The following GRK7 variants were observed in gnomAD, a reference collection of about 807,000 sequenced individuals.
The protein encoded by GRK7 is rhodopsin kinase GRK7.
GRK7 carries 24 observed loss-of-function variants against 34.1 expected under a neutral mutation model. That is an observed-to-expected ratio of 0.70 (90% confidence interval 0.51 to 0.99). GRK7 has a LOEUF of 0.99. GRK7 is among the 50% of genes least tolerant of loss of function. GRK7 has a pLI of 0.00. For synonymous variants in GRK7, 256 were observed against 279.4 expected (o/e 0.92, Z 0.84); for missense variants, 644 against 707.3 (o/e 0.91, Z 1.02).
intron 4 of GRK7, among the ~76,000 whole-genome samples, chr3:141,787,142 T>C (rs552022290): frequency 4.4e-4 from 67 of 152,286 alleles, no homozygotes; most frequent in African/African-American, 1.5e-3. Context: ...TTTATTAGCC[T>C]TGTGAGTCCA....
At chr3:141,767,192 T>C (rs1559837675) in intron 1 of GRK7, among the ~76,000 whole-genome samples, 1 of 152,176 alleles carries the variant, frequency 6.6e-6, no homozygotes, top group Admixed American at 6.5e-5. Flanking sequence ...CTATCTTAAG[T>C]AGCCTCAAAA....
chr3:141,804,571 A>G (rs1711003472), intron 4 of GRK7, among the ~76,000 whole-genome samples: 1 of 144,356 alleles, frequency 6.9e-6, no homozygotes, highest in African/African-American at 2.9e-5. Flanking sequence ...ACACACACAT[A>G]CACATACACA....
At position 141,816,845 on chromosome 3, in the gene GRK7, T is replaced by C. The variant is rs1443661128; in HGVS notation, c.1457T>C (p.Ile486Thr). 4 of 1,614,024 alleles carry C rather than the reference T, an allele frequency of 2.5e-6. No individual in the cohort carries two copies. Among genetic ancestry groups the C allele is most frequent in the Non-Finnish European group, 3.4e-6 (4 of 1,179,960 alleles). The change falls in exon 6 of 6, where the codon ATT becomes ACT. Residue 486 changes from isoleucine to threonine, a missense_variant. Transcript: ENST00000682958. ...SVVYAKDIAEIDDFSEVRGVE... is the reference protein window; with the variant it reads ...SVVYAKDIAETDDFSEVRGVE... ...GTTTATGCCAAAGACATCGCTGAAA[T>C]TGATGATTTCTCTGAGGTTCGGGGG... is the stretch of plus-strand genomic sequence containing the variant.
Position 141,817,290 on chromosome 3 carries a change from A to G in GRK7, c.*240A>G. Reference sequence around the variant, plus strand: ...GCAGGGAAAAGGAACACTCAGGTTTATTTTGATAAACTGAAAGCATCAGCC... The same window carrying G: ...GCAGGGAAAAGGAACACTCAGGTTTGTTTTGATAAACTGAAAGCATCAGCC... On this transcript the variant is annotated 3_prime_UTR_variant, in exon 6 of 6. Transcript: ENST00000682958. 2.4e-6 allele frequency: 1 copy of G among 414,474 alleles called. No individual in the cohort carries two copies. Among genetic ancestry groups the G allele is most frequent in the South Asian group, 6.4e-5 (1 of 15,642 alleles). 25.7% of individuals were successfully genotyped at this position (414,474 alleles called of 1,614,324 possible). A position where few individuals can be genotyped will look rare whatever the true frequency, so the allele number is the denominator to read the frequency against.
intron 4 of GRK7, among the ~76,000 whole-genome samples, chr3:141,798,870 A>T (rs1335475705): frequency 6.6e-6 from 1 of 152,162 alleles, no homozygotes; most frequent in African/African-American, 2.4e-5. Flanking sequence ...CATGGCTGAC[A>T]TTTTCTGTCT....
the GRK7 span, among the ~76,000 whole-genome samples, chr3:141,753,443 T>G: frequency 6.6e-6 from 1 of 152,238 alleles, no homozygotes; most frequent in African/African-American, 2.4e-5. Flanking sequence ...AAGATGGTTT[T>G]GGGATGAAAC....
chr3:141,775,936 G>A (rs2084636694), intron 2 of GRK7, among the ~76,000 whole-genome samples: 2 of 152,088 alleles, frequency 1.3e-5, no homozygotes, highest in South Asian at 2.1e-4. Context: ...GCAGTTCATA[G>A]CATACGTGTT....
At chr3:141,805,465 C>T (rs1339689181) in intron 4 of GRK7, among the ~76,000 whole-genome samples, 1 of 152,208 alleles carries the variant, frequency 6.6e-6, no homozygotes, top group Non-Finnish European at 1.5e-5. Context: ...ACCCTTTTGT[C>T]TGGACAAATG....
At position 141,792,870 on chromosome 3, in the gene GRK7, C is replaced by G. The variant is rs75747813; in HGVS notation, c.1050+12059C>G. Among the ~76,000 whole-genome samples, 1,508 of 152,262 alleles carry G rather than the reference C, an allele frequency of 9.9e-3. 28 individuals carry two copies. Among genetic ancestry groups the G allele is most frequent in the African/African-American group, 0.032 (1,345 of 41,550 alleles). ...AGGGTTAGGACTTTCAGCCTATCCC[C>G]CAATGGCCAATGATTTTATCAATCA... On this transcript the variant is annotated intron_variant, in intron 4 of 5. Coordinates refer to ENST00000682958, the MANE Select transcript of GRK7 (RefSeq NM_139209.3).
At chr3:141,795,351 A>C (rs1273039473) in intron 4 of GRK7, among the ~76,000 whole-genome samples, 1 of 152,176 alleles carries the variant, frequency 6.6e-6, no homozygotes, top group African/African-American at 2.4e-5. Context: ...CTTACAATGA[A>C]TAGCACAGCC....
chr3:141,814,955 C>G (rs989994312), intron 5 of GRK7, among the ~76,000 whole-genome samples: 1 of 133,418 alleles, frequency 7.5e-6, no homozygotes, highest in Non-Finnish European at 1.6e-5. Context: ...GACGGAGTCT[C>G]TCTCTGTCAC....
the GRK7 span, among the ~76,000 whole-genome samples, chr3:141,756,326 A>AGG: frequency 0.12 from 15,168 of 131,612 alleles, 1,027 homozygotes; most frequent in Non-Finnish European, 0.14. Context: ...AGAAAAAAAA[A>AGG]GGTGGGGGGG....
At chr3:141,808,487 G>C (rs934061067) in intron 5 of GRK7, among the ~76,000 whole-genome samples, 11 of 152,316 alleles carry the variant, frequency 7.2e-5, no homozygotes, top group Admixed American at 3.9e-4. Context: ...GGCCGAGTCA[G>C]GTGGATCACG....
chr3:141,814,649 C>T (rs566950909), intron 5 of GRK7, among the ~76,000 whole-genome samples: 57 of 152,162 alleles, frequency 3.7e-4, no homozygotes, highest in Non-Finnish European at 7.1e-4. Flanking sequence ...TAGTTGATTC[C>T]GTGTCTTTGC....
Position 141,817,550 on chromosome 3 carries a change from A to G in GRK7, c.*500A>G, listed in dbSNP as rs1235951372. On this transcript the variant is annotated 3_prime_UTR_variant, in exon 6 of 6. Coordinates refer to ENST00000682958, the MANE Select transcript of GRK7 (RefSeq NM_139209.3). ...CCCCTAAAAAGGAGTGGATTACAAT[A>G]TTTTGGCAATGTTTTAAATCACAGA... 6.6e-6 allele frequency: 1 copy of G among 152,422 alleles called. No homozygotes were observed. The highest frequency in any genetic ancestry group is 1.5e-5 in the Non-Finnish European group (1 of 68,162). 9.4% of individuals were successfully genotyped at this position (152,422 alleles called of 1,614,324 possible). A position where few individuals can be genotyped will look rare whatever the true frequency, so the allele number is the denominator to read the frequency against.
In GRK7 at chr3:141,780,454, T is replaced by C. The variant is rs1324164416; in HGVS notation, c.693T>C (p.Gly231=). The C allele has an allele frequency of 4.3e-6, 7 of 1,614,198 alleles. No individual in the cohort carries two copies. The South Asian group carries it at 6.6e-5, about 15-fold the overall frequency. The change falls in exon 4 of 6, where the codon GGT becomes GGC. Residue 231 remains glycine, a synonymous_variant. Transcript: ENST00000682958. ...KLDKKRLKKK[G]GEKMALLEKE... is the part of the protein sequence containing the mutation. ...ACAAGAAGCGGCTGAAGAAGAAAGG[T>C]GGCGAGAAGATGGCTCTCTTGGAAA...
chr3:141,780,242 A>G (rs2084665065), intron 3 of GRK7, 132 bp from the exon 4 acceptor site: 2 of 740,474 alleles, frequency 2.7e-6, no homozygotes, highest in Admixed American at 2.9e-5. Flanking sequence ...TTTCTTGAGA[A>G]CACTTCTTAT....
chr3:141,804,129 A>T (rs1710999527), intron 4 of GRK7, among the ~76,000 whole-genome samples: 1 of 152,122 alleles, frequency 6.6e-6, no homozygotes, highest in Admixed American at 6.5e-5. Context: ...AATCAATCTT[A>T]CATCTTTTAT....
intron 4 of GRK7, among the ~76,000 whole-genome samples, chr3:141,804,896 AAC>A (rs1444699809): frequency 1.3e-5 from 2 of 150,214 alleles, no homozygotes; most frequent in Non-Finnish European, 3.0e-5. Flanking sequence ...CATGCACATT[AAC>A]ACATACGCAT....
Sources: allele counts gnomAD v4.1 joint callset (sites outside exome capture counted in the v4.1 genomes callset), GRCh38; gene constraint gnomAD v4.1.1; transcripts MANE v1.5; gene names NCBI Gene and HGNC (gene_info 2026-07-23, HGNC 2026-07-21).